The following WNK3 variants were observed in gnomAD, a reference collection of about 807,000 sequenced individuals.
WNK3 encodes WNK lysine deficient protein kinase 3.
In WNK3, 18 loss-of-function variants were observed where a neutral mutation model predicts 116.7. That is an observed-to-expected ratio of 0.15 (90% CI 0.11 to 0.23). The LOEUF is 0.23. Ranked by LOEUF, WNK3 falls within the 10% of genes least tolerant of loss-of-function variation. WNK3 has a pLI of 1.00. For missense variants in WNK3, 993 were observed against 1,323.8 expected, an observed-to-expected ratio of 0.75 and a Z score of 3.88; for synonymous variants, 404 against 469.4, an observed-to-expected ratio of 0.86 and a Z score of 1.80.
intron 22 of WNK3, among the ~76,000 whole-genome samples, chrX:54,222,536 G>C (rs984127502): frequency 4.6e-5 from 5 of 108,188 alleles, no homozygotes; most frequent in Non-Finnish European, 9.6e-5. Flanking sequence ...TCCAGCCTGG[G>C]TGACAGGGTG....
chrX:54,263,052 T>C (rs1303585746), intron 10 of WNK3, among the ~76,000 whole-genome samples: 6 of 110,895 alleles, frequency 5.4e-5, no homozygotes, highest in Non-Finnish European at 1.1e-4. Flanking sequence ...TCTTATGTAA[T>C]GCCAAACCTC....
chrX:54,299,907 T>G (rs2068740103), intron 6 of WNK3, among the ~76,000 whole-genome samples: 1 of 108,757 alleles, frequency 9.2e-6, no homozygotes, highest in African/African-American at 3.3e-5. Flanking sequence ...TTGCCCAGGC[T>G]GGAGTGCAGT....
rs974368195 is a variant in WNK3 at position 54,286,604 on chromosome X, T to C, written c.2037+6284A>G. Among the ~76,000 whole-genome samples the C allele has an allele frequency of 5.4e-5, 6 of 111,108 alleles. No individual in the cohort carries two copies. In the East Asian group the frequency reaches 1.7e-3, roughly 31 times the overall value. On this transcript the variant is annotated intron_variant, in intron 10 of 23. Coordinates refer to ENST00000354646, the Ensembl canonical transcript of WNK3. ...CAAAAAGAATAAGTCAGATTCTCAGTTCTTTGCTTTAATTAATTCAATCAA... is the reference window on the plus strand; with the variant it reads ...CAAAAAGAATAAGTCAGATTCTCAGCTCTTTGCTTTAATTAATTCAATCAA...
chrX:54,197,946 A>T, exon 24 of WNK3: 1 of 111,074 alleles, frequency 9.0e-6, no homozygotes, highest in Non-Finnish European at 1.7e-5. Flanking sequence ...TGCAGATAGC[A>T]GCAGTTAAAA....
intron 10 of WNK3, among the ~76,000 whole-genome samples, chrX:54,272,945 T>A (rs925098137): frequency 1.8e-5 from 2 of 112,079 alleles, no homozygotes; most frequent in East Asian, 5.6e-4. Context: ...TCTAGAGTAA[T>A]CTTACAAATA....
At position 54,313,086 on chromosome X, in the gene WNK3, T is replaced by G. The variant is rs191550382; in HGVS notation, c.538-1795A>C. On this transcript the variant is annotated intron_variant, in intron 2 of 23. Transcript: ENST00000354646. ...TTTATAATTTTCATTTTCATTTTCA[T>G]TTTCAGTTTTCAGTTTCTCTTTGAT... Among the ~76,000 whole-genome samples the G allele has an allele frequency of 5.4e-5, 6 of 110,882 alleles. No individual in the cohort carries two copies. The East Asian group carries it at 8.5e-4, about 16-fold the overall frequency.
chrX:54,302,735 A>C (rs28481612), intron 5 of WNK3, among the ~76,000 whole-genome samples: 2,573 of 19,857 alleles, frequency 0.13, 49 homozygotes, highest in African/African-American at 0.16. Context: ...CTCTCTCTAT[A>C]TATATATATA....
intron 7 of WNK3, 100 bp downstream of exon 7, chrX:54,298,075 A>C (rs991739500): frequency 1.3e-5 from 8 of 629,212 alleles, no homozygotes; most frequent in African/African-American, 4.4e-5. Context: ...TCTGTCTCAA[A>C]AAAAAGGAGA....
rs182343890 is a variant in WNK3, at chrX:54,215,546, C to T, written c.4870+13168G>A. Among the ~76,000 whole-genome samples, 2,323 of 112,239 alleles carry T rather than the reference C, an allele frequency of 0.021. 147 individuals carry two copies. In the East Asian group the frequency reaches 0.26, roughly 12 times the overall value. On this transcript the variant is annotated intron_variant, in intron 22 of 23. Transcript: ENST00000354646. ...CGTGATCTCCGCTCGCTACAACCTC[C>T]ACCTCCCAGCCGCCTGCCTTGGCCT...
At chrX:54,269,465 A>T (rs1431937065) in intron 10 of WNK3, among the ~76,000 whole-genome samples, 1 of 111,858 alleles carries the variant, frequency 8.9e-6, no homozygotes, top group Non-Finnish European at 1.9e-5. Context: ...ATACATTGCC[A>T]GCGGGAACGT....
At chrX:54,333,692 T>C (rs949832701) in exon 2 of WNK3, 1 of 1,170,704 alleles carries the variant, frequency 8.5e-7, no homozygotes, top group South Asian at 1.9e-5. Context: ...AAGTTGGCAC[T>C]AAAATTTTTC....
At chrX:54,294,481 C>T (rs1013474219) in intron 8 of WNK3, 72 bp downstream of exon 8, 7 of 849,982 alleles carry the variant, frequency 8.2e-6, no homozygotes, top group African/African-American at 6.2e-5. Context: ...TGACCACTGC[C>T]CTTCAAAATA....
chrX:54,357,934 C>T (rs1389565711), exon 1 of WNK3: 1 of 112,396 alleles, frequency 8.9e-6, no homozygotes, highest in African/African-American at 3.2e-5. Flanking sequence ...CAGCTACGGC[C>T]GGTAGGTAAA....
chrX:54,225,214 A>G (rs1195786684), intron 22 of WNK3, among the ~76,000 whole-genome samples: 8 of 109,508 alleles, frequency 7.3e-5, no homozygotes, highest in African/African-American at 2.7e-4. Context: ...TCATGCCACT[A>G]CACTCAACCC....
In WNK3 at chrX:54,294,534, C is replaced by T. The variant is rs782238521; in HGVS notation, c.1693+19G>A. 4 of 1,117,007 alleles carry T rather than the reference C, an allele frequency of 3.6e-6. No homozygotes were observed. In the South Asian group the frequency reaches 7.2e-5, roughly 20 times the overall value. 92.1% of individuals were successfully genotyped at this position (1,117,007 alleles called of 1,213,427 possible). A position where few individuals can be genotyped will look rare whatever the true frequency, so the allele number is the denominator to read the frequency against. On this transcript the variant is annotated intron_variant, in intron 8 of 23. Coordinates refer to ENST00000354646, the Ensembl canonical transcript of WNK3. ...ATAATTGCACATGCGTTTGCTTTTA[C>T]AAGCTGTAACTGTGTTACCTGTAAC... is the stretch of plus-strand genomic sequence containing the variant.
intron 21 of WNK3, among the ~76,000 whole-genome samples, chrX:54,231,716 G>A (rs1266461476): frequency 8.9e-6 from 1 of 111,830 alleles, no homozygotes; most frequent in African/African-American, 3.2e-5. Context: ...AATCCCATCT[G>A]CAAGCTTAAT....
At chrX:54,344,118 T>C (rs2069370928) in intron 1 of WNK3, among the ~76,000 whole-genome samples, 1 of 112,407 alleles carries the variant, frequency 8.9e-6, no homozygotes, top group Non-Finnish European at 1.9e-5. Flanking sequence ...ATTCACATTT[T>C]CCATGAAAAA....
intron 8 of WNK3, among the ~76,000 whole-genome samples, chrX:54,294,076 G>C (rs977178040): frequency 9.0e-6 from 1 of 110,819 alleles, no homozygotes; most frequent in Non-Finnish European, 1.9e-5. Context: ...AGCTACTCAG[G>C]GGGCTGAGGT....
intron 22 of WNK3, among the ~76,000 whole-genome samples, chrX:54,213,756 GA>G (rs1456121183): frequency 3.7e-5 from 4 of 108,485 alleles, no homozygotes; most frequent in East Asian, 2.9e-4. Context: ...GAATCACAAA[GA>G]AAAAAAGAGA....
Sources: gnomAD v4.1 joint callset for allele counts (sites outside exome capture counted in the v4.1 genomes callset) on GRCh38, gnomAD v4.1.1 for gene constraint, MANE v1.5 for transcripts, NCBI Gene and HGNC (gene_info 2026-07-23, HGNC 2026-07-21) for gene names.